The following OR2H2 variants were observed in gnomAD, a reference collection of about 807,000 sequenced individuals.
OR2H2 encodes olfactory receptor family 2 subfamily H member 2.
For missense variants in OR2H2, 295 were observed against 313.7 expected, an observed-to-expected ratio of 0.94 and a Z score of 0.45; for synonymous variants, 146 against 132.4, an observed-to-expected ratio of 1.10 and a Z score of -0.71.
chr6:29,587,696 C>T lies in OR2H2; in HGVS notation c.-249C>T, dbSNP rs1276855173. On this transcript the variant is annotated 5_prime_UTR_variant, in exon 2 of 2. Coordinates refer to ENST00000641840, the MANE Select transcript of OR2H2 (RefSeq NM_007160.4). ...AAGTCAGAGGCACCAGTGTGAGTAT[C>T]CATCTGCTGTCCAGTACATTCATGG... is the stretch of plus-strand genomic sequence containing the variant. The T allele has an allele frequency of 4.3e-6, 2 of 459,838 alleles. 1 individual carries two copies. The allele number at this position is 459,838 out of a possible 1,614,324, so 28.5% of individuals were successfully genotyped here. A position where few individuals can be genotyped will look rare whatever the true frequency, so the allele number is the denominator to read the frequency against.
At chr6:29,586,355 G>A (rs1257186539) in intron 1 of OR2H2, among the ~76,000 whole-genome samples, 2 of 152,124 alleles carry the variant, frequency 1.3e-5, no homozygotes, top group Non-Finnish European at 2.9e-5. Context: ...GCTAGGCATG[G>A]TCTTGAGTGC....
At position 29,588,247 on chromosome 6, in the gene OR2H2, C is replaced by T; in HGVS notation, c.303C>T (p.Ile101=). Residue 101 remains isoleucine (I), a synonymous_variant, in exon 2 of 2, where the codon ATC becomes ATT. Transcript: ENST00000641840. Reference sequence around the variant, plus strand: ...TGGACTGCTCTGTCCAGATCTTCATCTTCCTGTCCCTGGGGACAACTGAGT... The same window carrying T: ...TGGACTGCTCTGTCCAGATCTTCATTTTCCTGTCCCTGGGGACAACTGAGT... The part of the protein sequence containing the change: ...SFLDCSVQIF[I]FLSLGTTECI... 6.3e-7 allele frequency: 1 copy of T among 1,576,108 alleles called. No individual in the cohort carries two copies. The highest frequency in any genetic ancestry group is 8.7e-7 in the Non-Finnish European group (1 of 1,146,318).
At chr6:29,586,041 TGAG>T (rs1262779704) in intron 1 of OR2H2, among the ~76,000 whole-genome samples, 2 of 152,234 alleles carry the variant, frequency 1.3e-5, no homozygotes, top group Admixed American at 1.3e-4. Context: ...CCAATGAGCA[TGAG>T]GTTTCTTTTG....
intron 1 of OR2H2, among the ~76,000 whole-genome samples, chr6:29,586,731 C>T (rs1373313254): frequency 6.6e-6 from 1 of 152,016 alleles, no homozygotes; most frequent in Non-Finnish European, 1.5e-5. Context: ...AGAGTCCTGG[C>T]AAAAAGGGAG....
At position 29,588,604 on chromosome 6, in the gene OR2H2, C is replaced by G. The variant is rs1760466258; in HGVS notation, c.660C>G (p.Thr220=). 1 of 1,166,486 alleles carries G rather than the reference C, an allele frequency of 8.6e-7. No individual in the cohort carries two copies. Among genetic ancestry groups the G allele is most frequent in the Non-Finnish European group, 1.3e-6 (1 of 772,332 alleles). The allele number at this position is 1,166,486 out of a possible 1,614,324, so 72.3% of individuals were successfully genotyped here. A position where few individuals can be genotyped will look rare whatever the true frequency, so the allele number is the denominator to read the frequency against. Residue 220 remains threonine (T), a synonymous_variant, in exon 2 of 2, where the codon ACC becomes ACG. Coordinates refer to ENST00000641840, the MANE Select transcript of OR2H2 (RefSeq NM_007160.4). The part of the protein sequence containing the change: ...SLILVSYGAI[T]WAVLRINSAK... Reference sequence around the variant, plus strand: ...TCCTTGTCTCTTACGGAGCCATTACCTGGGCAGTGCTGAGGATTAACTCTG... The same window carrying G: ...TCCTTGTCTCTTACGGAGCCATTACGTGGGCAGTGCTGAGGATTAACTCTG...
At chr6:29,587,223 T>G (rs906210402) in intron 1 of OR2H2, among the ~76,000 whole-genome samples, 1 of 152,178 alleles carries the variant, frequency 6.6e-6, no homozygotes, top group Non-Finnish European at 1.5e-5. Flanking sequence ...TCTTGCCTCC[T>G]ACTTGTAAGC....
In OR2H2 at chr6:29,589,725, T is replaced by C. The variant is rs977695532; in HGVS notation, c.*842T>C. ...CTCAAAGACATAGATATGGTTATGA[T>C]ACTATAAGCATTTATGTAATTGTTA... On this transcript the variant is annotated 3_prime_UTR_variant, in exon 2 of 2. Transcript: ENST00000641840. The C allele has an allele frequency of 9.9e-5, 15 of 152,240 alleles. No individual in the cohort carries two copies. The highest frequency in any genetic ancestry group is 3.6e-4 in the African/African-American group (15 of 41,468). 9.4% of individuals were successfully genotyped at this position (152,240 alleles called of 1,614,324 possible). A position where few individuals can be genotyped will look rare whatever the true frequency, so the allele number is the denominator to read the frequency against.
intron 1 of OR2H2, among the ~76,000 whole-genome samples, chr6:29,586,377 G>T (rs763694390): frequency 2.6e-5 from 4 of 151,584 alleles, no homozygotes; most frequent in African/African-American, 9.7e-5. Context: ...TGTAATCCCC[G>T]CTACTTGGGA....
intron 1 of OR2H2, among the ~76,000 whole-genome samples, chr6:29,587,042 C>G (rs191465343): frequency 5.3e-4 from 80 of 152,306 alleles, no homozygotes; most frequent in Middle Eastern, 3.4e-3. Flanking sequence ...GTCAGTCATC[C>G]TACAGAACCT....
rs1760371051 is a variant in OR2H2 at position 29,587,849 on chromosome 6, G to C, written c.-96G>C. On this transcript the variant is annotated 5_prime_UTR_variant, in exon 2 of 2. Transcript: ENST00000641840. ...GACAGAAGAGAAACACCTACCTGCT[G>C]TGACCTCACAAACACCCAGGCTGAG... 1.5e-6 allele frequency: 1 copy of C among 688,358 alleles called. No individual in the cohort carries two copies. The highest frequency in any genetic ancestry group is 1.7e-5 in the South Asian group (1 of 58,368). The allele number at this position is 688,358 out of a possible 1,614,324, so 42.6% of individuals were successfully genotyped here.
intron 1 of OR2H2, among the ~76,000 whole-genome samples, chr6:29,586,693 A>C (rs1301321119): frequency 6.6e-6 from 1 of 152,174 alleles, no homozygotes; most frequent in Non-Finnish European, 1.5e-5. Flanking sequence ...TAATGGGAAA[A>C]ACAGGAAGAA....
At position 29,587,893 on chromosome 6, in the gene OR2H2, A is replaced by G. The variant is rs1760374093; in HGVS notation, c.-52A>G. The G allele has an allele frequency of 1.4e-6, 1 of 717,892 alleles. No homozygotes were observed. The highest frequency in any genetic ancestry group is 1.6e-5 in the South Asian group (1 of 62,134). 44.5% of individuals were successfully genotyped at this position (717,892 alleles called of 1,614,324 possible). ...GGCTGAGTTTTGATAAGACAGGTTG[A>G]ATCACACTGGAGTGACAGCCTCATC... On this transcript the variant is annotated 5_prime_UTR_variant, in exon 2 of 2. Coordinates refer to ENST00000641840, the MANE Select transcript of OR2H2 (RefSeq NM_007160.4).
Position 29,585,149 on chromosome 6 carries a change from C to G in OR2H2, c.-477C>G, listed in dbSNP as rs541855516. 6.6e-6 allele frequency: 1 copy of G among 152,254 alleles called. No homozygotes were observed. The highest frequency in any genetic ancestry group is 6.5e-5 in the Admixed American group (1 of 15,296). 9.4% of individuals were successfully genotyped at this position (152,254 alleles called of 1,614,324 possible). A position where few individuals can be genotyped will look rare whatever the true frequency, so the allele number is the denominator to read the frequency against. On this transcript the variant is annotated 5_prime_UTR_variant, in exon 1 of 2. Transcript: ENST00000641840. ...AATCTGAGCCAGCTCCAGCTCATCA[C>G]ACACATGTGTGCTTAGAAAAGTGCC...
chr6:29,588,353 C>G lies in OR2H2; in HGVS notation c.409C>G (p.Arg137Gly). Residue 137 changes from arginine (R) to glycine (G), a missense_variant, in exon 2 of 2, where the codon CGC (arginine) becomes GGC (glycine). Coordinates refer to ENST00000641840, the MANE Select transcript of OR2H2 (RefSeq NM_007160.4). ...PLHYATIIHP[R>G]LCWQLASVAW... Reference sequence around the variant, plus strand: ...CCACTATGCCACCATCATCCACCCCCGCCTGTGCTGGCAGCTGGCATCTGT... The same window carrying G: ...CCACTATGCCACCATCATCCACCCCGGCCTGTGCTGGCAGCTGGCATCTGT... The G allele has an allele frequency of 6.2e-7, 1 of 1,613,106 alleles. No individual in the cohort carries two copies. Among genetic ancestry groups the G allele is most frequent in the Non-Finnish European group, 8.5e-7 (1 of 1,180,004 alleles).
chr6:29,588,178 A>G lies in OR2H2; in HGVS notation c.234A>G (p.Gln78=), dbSNP rs1248999950. The change falls in exon 2 of 2, where the codon CAA becomes CAG. Residue 78 remains glutamine (Q), a synonymous_variant. Transcript: ENST00000641840. ...DLCFTTSCVP[Q]MLVNLWGPKK... ...GTTTCACCACGAGTTGTGTTCCCCA[A>G]ATGCTGGTCAACCTCTGGGGCCCAA... 9 of 1,415,166 alleles carry G rather than the reference A, an allele frequency of 6.4e-6. No homozygotes were observed. Among genetic ancestry groups the G allele is most frequent in the Admixed American group, 5.0e-5 (3 of 59,770 alleles). 87.7% of individuals were successfully genotyped at this position (1,415,166 alleles called of 1,614,324 possible). A position where few individuals can be genotyped will look rare whatever the true frequency, so the allele number is the denominator to read the frequency against.
In OR2H2 at chr6:29,587,682, A is replaced by G; in HGVS notation, c.-263A>G. On this transcript the variant is annotated 5_prime_UTR_variant, in exon 2 of 2. Coordinates refer to ENST00000641840, the MANE Select transcript of OR2H2 (RefSeq NM_007160.4). The stretch of plus-strand genomic sequence containing the variant: ...TGCCCTCACCCAGGAAGTCAGAGGC[A>G]CCAGTGTGAGTATCCATCTGCTGTC... The G allele has an allele frequency of 2.3e-6, 1 of 437,140 alleles. No individual in the cohort carries two copies. Among genetic ancestry groups the G allele is most frequent in the Non-Finnish European group, 4.0e-6 (1 of 248,238 alleles). 27.1% of individuals were successfully genotyped at this position (437,140 alleles called of 1,614,324 possible). A position where few individuals can be genotyped will look rare whatever the true frequency, so the allele number is the denominator to read the frequency against.
chr6:29,588,696 G>T lies in OR2H2; in HGVS notation c.752G>T (p.Ser251Ile), dbSNP rs1275164357. The T allele has an allele frequency of 2.7e-6, 4 of 1,502,276 alleles. No individual in the cohort carries two copies. The African/African-American group carries it at 4.1e-5, about 16-fold the overall frequency. The allele number at this position is 1,502,276 out of a possible 1,614,324, so 93.1% of individuals were successfully genotyped here. ...CTCACTGTGGTCACCCTCTTCTACAGCTCAGTCATTGCTGTCTACCTCCAG... is the reference window on the plus strand; with the variant it reads ...CTCACTGTGGTCACCCTCTTCTACATCTCAGTCATTGCTGTCTACCTCCAG... ...SHLTVVTLFY[S>I]SVIAVYLQPK... Residue 251 changes from serine (S) to isoleucine (I), a missense_variant, in exon 2 of 2, where the codon AGC (serine) becomes ATC (isoleucine). By Grantham distance (142) the Ser-to-Ile change is moderately radical (BLOSUM62 -2). Coordinates refer to ENST00000641840, the MANE Select transcript of OR2H2 (RefSeq NM_007160.4).
rs1276855173 is a variant in OR2H2, at chr6:29,587,696, C to G, written c.-249C>G. 6 of 459,720 alleles carry G rather than the reference C, an allele frequency of 1.3e-5. No homozygotes were observed. Among genetic ancestry groups the G allele is most frequent in the Non-Finnish European group, 2.3e-5 (6 of 261,414 alleles). 28.5% of individuals were successfully genotyped at this position (459,720 alleles called of 1,614,324 possible). A position where few individuals can be genotyped will look rare whatever the true frequency, so the allele number is the denominator to read the frequency against. On this transcript the variant is annotated 5_prime_UTR_variant, in exon 2 of 2. It adds an upstream start codon to the 5' untranslated region. Transcript: ENST00000641840. The stretch of plus-strand genomic sequence containing the variant: ...AAGTCAGAGGCACCAGTGTGAGTAT[C>G]CATCTGCTGTCCAGTACATTCATGG...
At chr6:29,587,578 T>C in intron 1 of OR2H2, 92 bp from the exon 2 acceptor site, 1 of 227,302 alleles carries the variant, frequency 4.4e-6, no homozygotes. Context: ...AGAACAGCAT[T>C]CAGAACATAG....
Sources: gnomAD v4.1 joint callset for allele counts (sites outside exome capture counted in the v4.1 genomes callset) on GRCh38, gnomAD v4.1.1 for gene constraint, MANE v1.5 for transcripts, NCBI Gene and HGNC (gene_info 2026-07-23, HGNC 2026-07-21) for gene names.